Variants in THADA observed in about 807,000 individuals in gnomAD.
THADA encodes THADA armadillo repeat containing.
THADA carries 213 observed loss-of-function variants against 219.8 expected under a neutral mutation model. The ratio of observed to expected loss-of-function variants is 0.97; its 90% confidence interval spans 0.87 to 1.09. The LOEUF (loss-of-function observed/expected upper bound fraction) is 1.09. Among genes scored for constraint, THADA ranks in the 50% least tolerant of loss-of-function variants. The pLI is 0.00. For synonymous variants in THADA, 1,018 were observed against 828.9 expected, an observed-to-expected ratio of 1.23 and a Z score of -3.92; for missense variants, 2,956 against 2,311.3, an observed-to-expected ratio of 1.28 and a Z score of -5.72.
chr2:43,371,213 T>C (rs1670761986), intron 29 of THADA, among the ~76,000 whole-genome samples: 1 of 152,214 alleles, frequency 6.6e-6, no homozygotes, highest in Non-Finnish European at 1.5e-5. Context: ...ATCCTCTTCA[T>C]AGTACTATGA....
chr2:43,565,747 C>G (rs1427393625), intron 15 of THADA: 2 of 152,186 alleles, frequency 1.3e-5, no homozygotes, highest in African/African-American at 4.8e-5. Context: ...ACAGCACAAG[C>G]AAGAAATCCC....
intron 1 of THADA, 113 bp from the exon 2 acceptor site, chr2:43,592,529 A>C (rs1701685439): frequency 1.7e-6 from 1 of 587,004 alleles, no homozygotes; most frequent in Non-Finnish European, 2.9e-6. Context: ...ATTATGTTTC[A>C]TGCATCCCCA....
chr2:43,563,412 C>A (rs1432123167), intron 15 of THADA: 1 of 152,156 alleles, frequency 6.6e-6, no homozygotes. Context: ...TCCCCCTTAT[C>A]TTCTTGAAAT....
intron 36 of THADA, among the ~76,000 whole-genome samples, chr2:43,250,530 T>A (rs1283446640): frequency 6.6e-6 from 1 of 152,114 alleles, no homozygotes; most frequent in East Asian, 1.9e-4. Flanking sequence ...TTTAAAATGA[T>A]TAATTTTATG....
intron 16 of THADA, 60 bp from the exon 17 acceptor site, chr2:43,556,615 T>C: frequency 5.3e-6 from 8 of 1,507,200 alleles, no homozygotes; most frequent in Non-Finnish European, 7.2e-6. Context: ...TTTAAAAAAA[T>C]AGTAAATTTT....
At chr2:43,543,084 C>T (rs996921755) in intron 20 of THADA, among the ~76,000 whole-genome samples, 2 of 141,968 alleles carry the variant, frequency 1.4e-5, no homozygotes, top group African/African-American at 5.2e-5. Flanking sequence ...CCCATGTGTT[C>T]TCATTGTTCA....
At chr2:43,400,464 TATATATATATATAA>T (rs937742940) in intron 28 of THADA, among the ~76,000 whole-genome samples, 14 of 142,710 alleles carry the variant, frequency 9.8e-5, no homozygotes, top group African/African-American at 2.1e-4. Context: ...AATTTATATA[TATATATATATATAA>T]ATATATACAC....
intron 28 of THADA, among the ~76,000 whole-genome samples, chr2:43,422,712 C>G (rs1677870981): frequency 6.6e-6 from 1 of 152,124 alleles, no homozygotes; most frequent in Non-Finnish European, 1.5e-5. Flanking sequence ...TCCCATCAAT[C>G]CAGTCTTTCA....
intron 31 of THADA, among the ~76,000 whole-genome samples, chr2:43,317,328 T>G (rs988867316): frequency 1.3e-5 from 2 of 152,256 alleles, no homozygotes; most frequent in East Asian, 3.8e-4. Flanking sequence ...CTGTTACTAT[T>G]CTAAAAACTG....
chr2:43,430,187 T>C, intron 27 of THADA, 26 bp downstream of exon 27: 1 of 1,263,350 alleles, frequency 7.9e-7, no homozygotes. Context: ...TTGAGGTCAT[T>C]TTGCCCCACC....
chr2:43,434,304 T>C (rs948367987), intron 26 of THADA, among the ~76,000 whole-genome samples: 8 of 152,158 alleles, frequency 5.3e-5, no homozygotes, highest in African/African-American at 1.4e-4. Flanking sequence ...CTCCCACTGA[T>C]ATGAGAAGAG....
chr2:43,261,628 T>C (rs1670955060), intron 36 of THADA, among the ~76,000 whole-genome samples: 1 of 148,992 alleles, frequency 6.7e-6, no homozygotes, highest in African/African-American at 2.5e-5. Flanking sequence ...TGCCTGGCTA[T>C]TGTTTTGATT....
intron 20 of THADA, among the ~76,000 whole-genome samples, chr2:43,546,932 T>C (rs908231958): frequency 1.4e-4 from 21 of 152,152 alleles, no homozygotes; most frequent in Non-Finnish European, 2.8e-4. Context: ...AGCTGGTTAT[T>C]TTGCTCGTTA....
At chr2:43,508,222 T>C (rs555417974) in intron 23 of THADA, among the ~76,000 whole-genome samples, 76 of 152,196 alleles carry the variant, frequency 5.0e-4, no homozygotes, top group Admixed American at 3.7e-3. Flanking sequence ...GATGGACGTT[T>C]TATAGGAGAA....
intron 30 of THADA, among the ~76,000 whole-genome samples, chr2:43,339,917 G>A (rs1281147473): frequency 1.3e-5 from 2 of 151,720 alleles, no homozygotes; most frequent in South Asian, 4.2e-4. Context: ...AACACAGCCA[G>A]ACCTCATCTC....
chr2:43,529,343 A>AT (rs34749845), intron 21 of THADA, among the ~76,000 whole-genome samples: 1 of 152,002 alleles, frequency 6.6e-6, no homozygotes, highest in African/African-American at 2.4e-5. Flanking sequence ...TAATTTTTTA[A>AT]TTTTTTGTAG....
At chr2:43,499,125 C>T (rs190902284) in intron 24 of THADA, among the ~76,000 whole-genome samples, 170 bp from the exon 25 acceptor site, 1 of 152,146 alleles carries the variant, frequency 6.6e-6, no homozygotes, top group East Asian at 1.9e-4. Context: ...AGCTGATAAA[C>T]CATTTTACAA....
chr2:43,266,418 C>A (rs912164683), intron 36 of THADA, among the ~76,000 whole-genome samples: 1 of 152,106 alleles, frequency 6.6e-6, no homozygotes, highest in Non-Finnish European at 1.5e-5. Context: ...GGTGAAACCC[C>A]GTCTCTGCTA....
chr2:43,256,045 C>T (rs1295826435), intron 36 of THADA, among the ~76,000 whole-genome samples: 1 of 152,200 alleles, frequency 6.6e-6, no homozygotes, highest in Non-Finnish European at 1.5e-5. Flanking sequence ...TCAAGGGGCA[C>T]ATAACTATTC....
Sources: gnomAD v4.1 joint callset for allele counts (sites outside exome capture counted in the v4.1 genomes callset) on GRCh38, gnomAD v4.1.1 for gene constraint, MANE v1.5 for transcripts, NCBI Gene and HGNC (gene_info 2026-07-23, HGNC 2026-07-21) for gene names.